Variants in DACH1 observed in about 807,000 individuals in gnomAD.
DACH1 encodes dachshund family transcription factor 1, also known as dachshund homolog 1.
DACH1 carries 12 observed loss-of-function variants against 54.2 expected under a neutral mutation model. The ratio of observed to expected loss-of-function variants is 0.22; its 90% CI spans 0.14 to 0.36. The LOEUF is 0.36. Among genes scored for constraint, DACH1 ranks in the 10% least tolerant of loss-of-function variants. The probability of loss-of-function intolerance (pLI) is 1.00; values close to 1 mark genes in which losing one functional copy is unlikely to be tolerated. For missense variants in DACH1, 805 were observed against 929.8 expected, an observed-to-expected ratio of 0.87 and a Z score of 1.75; for synonymous variants, 386 against 366.2, an observed-to-expected ratio of 1.05 and a Z score of -0.62.
intron 3 of DACH1, among the ~76,000 whole-genome samples, chr13:71,584,014 C>T (rs1343475605): frequency 2.0e-5 from 3 of 151,994 alleles, no homozygotes; most frequent in Non-Finnish European, 4.4e-5. Context: ...TGCACACTTC[C>T]TACTTTTTGC....
intron 2 of DACH1, among the ~76,000 whole-genome samples, chr13:71,632,181 C>T (rs965723416): frequency 6.6e-6 from 1 of 151,842 alleles, no homozygotes; most frequent in Non-Finnish European, 1.5e-5. Context: ...CTCGGAAGAT[C>T]AGAATTAAGA....
At chr13:71,779,396 A>T (rs1393207672) in intron 1 of DACH1, among the ~76,000 whole-genome samples, 1 of 151,328 alleles carries the variant, frequency 6.6e-6, no homozygotes, top group Non-Finnish European at 1.5e-5. Flanking sequence ...CTTCATTCAC[A>T]TCCAGATATC....
chr13:71,715,190 C>G (rs73523471), intron 1 of DACH1, among the ~76,000 whole-genome samples: 94 of 152,130 alleles, frequency 6.2e-4, no homozygotes, highest in African/African-American at 2.2e-3. Context: ...TACCATGGTG[C>G]CTCTGAATAG....
intron 3 of DACH1, among the ~76,000 whole-genome samples, chr13:71,617,339 T>A (rs547661769): frequency 6.6e-6 from 1 of 152,208 alleles, no homozygotes; most frequent in Non-Finnish European, 1.5e-5. Context: ...ATTGTTTTTG[T>A]CACCTTTATT....
intron 1 of DACH1, among the ~76,000 whole-genome samples, chr13:71,763,917 C>T (rs1022559327): frequency 6.6e-6 from 1 of 152,136 alleles, no homozygotes; most frequent in African/African-American, 2.4e-5. Flanking sequence ...CACCTTTATG[C>T]CATGTTGCAA....
Position 71,739,097 on chromosome 13 carries a change from A to G in DACH1, c.849-57187T>C, listed in dbSNP as rs569857232. 5.9e-5 allele frequency among the ~76,000 whole-genome samples: 9 copies of G among 152,144 alleles called. No individual in the cohort carries two copies. The South Asian group carries it at 1.9e-3, about 32-fold the overall frequency. On this transcript the variant is annotated intron_variant, in intron 1 of 10. Transcript: ENST00000613252. Reference sequence around the variant, plus strand: ...GTGAAACCCCATCTCTGCTAAAAATACAAAAATTAGCTGCCGTAGTGGTGA... The same window carrying G: ...GTGAAACCCCATCTCTGCTAAAAATGCAAAAATTAGCTGCCGTAGTGGTGA...
At chr13:71,486,012 A>C in intron 7 of DACH1, among the ~76,000 whole-genome samples, 1 of 152,040 alleles carries the variant, frequency 6.6e-6, no homozygotes, top group Non-Finnish European at 1.5e-5. Flanking sequence ...ATTTAAACAC[A>C]AAATTTTCAC....
In DACH1 at chr13:71,645,141, G is replaced by A. The variant is rs763081999; in HGVS notation, c.965-14424C>T. ...AATCAACGAGCAGGTTTGATTTTACGCAAGAAACCATAAAGTGCTACTCCA... is the reference window on the plus strand; with the variant it reads ...AATCAACGAGCAGGTTTGATTTTACACAAGAAACCATAAAGTGCTACTCCA... On this transcript the variant is annotated intron_variant, in intron 2 of 10. Coordinates refer to ENST00000613252, the MANE Select transcript of DACH1 (RefSeq NM_080759.6). 5.3e-5 allele frequency among the ~76,000 whole-genome samples: 8 copies of A among 152,142 alleles called. No individual in the cohort carries two copies. The East Asian group carries it at 5.8e-4, about 11-fold the overall frequency.
chr13:71,563,005 T>C (rs868714257), intron 4 of DACH1, among the ~76,000 whole-genome samples: 31 of 152,178 alleles, frequency 2.0e-4, no homozygotes, highest in Non-Finnish European at 2.8e-4. Flanking sequence ...TGCAGCTAAC[T>C]GCATACATGT....
intron 3 of DACH1, among the ~76,000 whole-genome samples, chr13:71,611,819 A>C (rs891981190): frequency 1.3e-5 from 2 of 152,294 alleles, no homozygotes; most frequent in East Asian, 3.9e-4. Context: ...CTGCTGATGA[A>C]AGCTTTTTTG....
At chr13:71,618,976 T>C (rs1240165346) in intron 3 of DACH1, among the ~76,000 whole-genome samples, 1 of 151,792 alleles carries the variant, frequency 6.6e-6, no homozygotes, top group Non-Finnish European at 1.5e-5. Context: ...ATACCTTATA[T>C]GCATTTTTTT....
chr13:71,494,153 G>C, intron 6 of DACH1, among the ~76,000 whole-genome samples: 1 of 152,096 alleles, frequency 6.6e-6, no homozygotes, highest in East Asian at 1.9e-4. Flanking sequence ...CATGGGTAGG[G>C]TCTGGCAGTT....
intron 1 of DACH1, among the ~76,000 whole-genome samples, chr13:71,748,881 TCTTTCTTTCTTTCTTTC>T (rs1884755186): frequency 6.0e-5 from 1 of 16,572 alleles, no homozygotes; most frequent in Non-Finnish European, 3.7e-4. Flanking sequence ...TTTCTTTCTT[TCTTTCTTTCTTTCTTTC>T]TCTTTCTTTC....
At chr13:71,811,566 G>A (rs188624728) in intron 1 of DACH1, among the ~76,000 whole-genome samples, 267 of 152,218 alleles carry the variant, frequency 1.8e-3, no homozygotes, top group Middle Eastern at 3.4e-3. Flanking sequence ...ATCTTGGAGA[G>A]TATTTAACTC....
At chr13:71,828,441 G>A (rs974076665) in intron 1 of DACH1, among the ~76,000 whole-genome samples, 6 of 151,870 alleles carry the variant, frequency 4.0e-5, no homozygotes, top group East Asian at 1.9e-4. Flanking sequence ...AGTTACACCC[G>A]TGCCATCGAC....
intron 6 of DACH1, among the ~76,000 whole-genome samples, chr13:71,517,034 G>C: frequency 6.6e-6 from 1 of 151,680 alleles, no homozygotes; most frequent in East Asian, 1.9e-4. Context: ...CTTTATAAGC[G>C]TAAGTTTTCA....
At chr13:71,749,593 C>G (rs1884832567) in intron 1 of DACH1, among the ~76,000 whole-genome samples, 1 of 152,064 alleles carries the variant, frequency 6.6e-6, no homozygotes, top group African/African-American at 2.4e-5. Flanking sequence ...ACAAATTTAC[C>G]TTTTTCAGCC....
intron 1 of DACH1, among the ~76,000 whole-genome samples, chr13:71,742,042 T>C (rs1884410405): frequency 6.6e-6 from 1 of 152,134 alleles, no homozygotes; most frequent in Admixed American, 6.6e-5. Flanking sequence ...TGGGGGCCAG[T>C]CTTTCCCCTG....
At chr13:71,847,957 A>C (rs1873397776) in intron 1 of DACH1, among the ~76,000 whole-genome samples, 1 of 152,188 alleles carries the variant, frequency 6.6e-6, no homozygotes, top group Non-Finnish European at 1.5e-5. Context: ...ACTACAGAAA[A>C]TAATCATTTA....
Sources: allele counts gnomAD v4.1 joint callset (sites outside exome capture counted in the v4.1 genomes callset), GRCh38; gene constraint gnomAD v4.1.1; transcripts MANE v1.5; gene names NCBI Gene and HGNC (gene_info 2026-07-23, HGNC 2026-07-21).